GALNT3: variants seen among roughly 807,000 people sequenced by gnomAD.
GALNT3 encodes GalNAc transferase 3.
GALNT3 carries 51 observed loss-of-function variants against 69.8 expected under a neutral mutation model. The ratio of observed to expected loss-of-function variants is 0.73; its 90% CI spans 0.58 to 0.92. The LOEUF (loss-of-function observed/expected upper bound fraction) is 0.92. Ranked by LOEUF, GALNT3 falls within the 40% of genes least tolerant of loss-of-function variation. GALNT3 has a pLI of 0.00. For synonymous variants in GALNT3, 265 were observed against 248.5 expected, an observed-to-expected ratio of 1.07 and a Z score of -0.63; for missense variants, 711 against 760.0, an observed-to-expected ratio of 0.94 and a Z score of 0.76.
chr2:165,749,184 A>G (rs1475544664), intron 10 of GALNT3, among the ~76,000 whole-genome samples: 1 of 152,100 alleles, frequency 6.6e-6, no homozygotes. Flanking sequence ...ATAAGTGACA[A>G]ACTCTTAAAA....
In GALNT3 at chr2:165,747,846, T is replaced by TA. The variant is rs144647329; in HGVS notation, c.*934dup. 3.3e-3 allele frequency: 570 copies of TA among 170,736 alleles called. 5 individuals carry two copies. Among genetic ancestry groups the TA allele is most frequent in the Middle Eastern group, 0.018 (7 of 396 alleles). 10.6% of individuals were successfully genotyped at this position (170,736 alleles called of 1,614,324 possible). ...TTTTTTATTGTGTTTTCCACATAGA[T>TA]AAAAAAATAAGGCTTTTTGATGAAA... On this transcript the variant is annotated 3_prime_UTR_variant, in exon 11 of 11. Coordinates refer to ENST00000392701, the MANE Select transcript of GALNT3 (RefSeq NM_004482.4).
At chr2:165,787,214 T>C (rs1683242638) in intron 1 of GALNT3, among the ~76,000 whole-genome samples, 1 of 152,220 alleles carries the variant, frequency 6.6e-6, no homozygotes, top group Non-Finnish European at 1.5e-5. Context: ...CAAACTGGAA[T>C]TTGAAGACTG....
At chr2:165,778,000 C>A (rs953084597) in intron 1 of GALNT3, among the ~76,000 whole-genome samples, 3 of 152,202 alleles carry the variant, frequency 2.0e-5, no homozygotes, top group Admixed American at 6.5e-5. Context: ...AACTTCTCAG[C>A]TACCCCTGGT....
chr2:165,747,599 A>C lies in GALNT3; in HGVS notation c.*1182T>G, dbSNP rs1299401658. On this transcript the variant is annotated 3_prime_UTR_variant, in exon 11 of 11. Transcript: ENST00000392701. Reference sequence around the variant, plus strand: ...AAAACATCATTCTATCAGATGCTTAAGGAACTTTATCAGAAATTAATACAA... The same window carrying C: ...AAAACATCATTCTATCAGATGCTTACGGAACTTTATCAGAAATTAATACAA... 4 of 152,312 alleles carry C rather than the reference A, an allele frequency of 2.6e-5. No individual in the cohort carries two copies. Among genetic ancestry groups the C allele is most frequent in the Non-Finnish European group, 5.9e-5 (4 of 68,130 alleles). The allele number at this position is 152,312 out of a possible 1,614,324, so 9.4% of individuals were successfully genotyped here.
intron 1 of GALNT3, among the ~76,000 whole-genome samples, chr2:165,780,428 C>T (rs990593178): frequency 5.9e-5 from 9 of 152,152 alleles, no homozygotes; most frequent in South Asian, 4.1e-4. Flanking sequence ...AACTACCCAT[C>T]GATGACCAAT....
intron 1 of GALNT3, among the ~76,000 whole-genome samples, chr2:165,787,306 G>C (rs1328526135): frequency 6.6e-6 from 1 of 152,218 alleles, no homozygotes; most frequent in Admixed American, 6.5e-5. Flanking sequence ...GAGGCAGAAG[G>C]AACAGAGCAA....
chr2:165,752,289 G>A (rs756692834), intron 9 of GALNT3, among the ~76,000 whole-genome samples: 11 of 152,024 alleles, frequency 7.2e-5, no homozygotes, highest in East Asian at 1.9e-4. Flanking sequence ...CTCTAAGATC[G>A]CTTTTCCAAA....
intron 1 of GALNT3, among the ~76,000 whole-genome samples, chr2:165,789,685 A>G (rs917552723): frequency 1.4e-5 from 2 of 139,178 alleles, no homozygotes; most frequent in Non-Finnish European, 3.1e-5. Context: ...CCTGGGCAAC[A>G]TAGTGAGACC....
intron 2 of GALNT3, among the ~76,000 whole-genome samples, chr2:165,767,071 A>G (rs1688656071): frequency 1.3e-5 from 2 of 152,184 alleles, no homozygotes; most frequent in African/African-American, 4.8e-5. Flanking sequence ...TATTTATTCT[A>G]AATTGAATTT....
intron 2 of GALNT3, among the ~76,000 whole-genome samples, chr2:165,765,920 T>C (rs1574004594): frequency 1.3e-5 from 2 of 152,240 alleles, no homozygotes; most frequent in Admixed American, 1.3e-4. Flanking sequence ...AGGGAAAAAA[T>C]AGCTTTATTG....
At chr2:165,775,250 G>A (rs185773878) in intron 1 of GALNT3, among the ~76,000 whole-genome samples, 5 of 151,374 alleles carry the variant, frequency 3.3e-5, no homozygotes, top group African/African-American at 7.3e-5. Flanking sequence ...AATAAAAGGC[G>A]ATAAGAAAAA....
chr2:165,764,056 C>T (rs1475144744), intron 3 of GALNT3, among the ~76,000 whole-genome samples: 1 of 152,114 alleles, frequency 6.6e-6, no homozygotes, highest in African/African-American at 2.4e-5. Context: ...TAATATGTAT[C>T]TGTTTGACAC....
At position 165,780,920 on chromosome 2, in the gene GALNT3, T is replaced by C. The variant is rs114936971; in HGVS notation, c.-108-10112A>G. ...AGGTCAGATTTTACCCAGATAATGA[T>C]GGGAAACTTGGTCCACATGATAACC... On this transcript the variant is annotated intron_variant, in intron 1 of 10. Coordinates refer to ENST00000392701, the MANE Select transcript of GALNT3 (RefSeq NM_004482.4). Among the ~76,000 whole-genome samples the C allele has an allele frequency of 6.2e-3, 950 of 152,294 alleles. 9 individuals are homozygous for C. Among genetic ancestry groups the C allele is most frequent in the African/African-American group, 0.022 (894 of 41,560 alleles).
intron 9 of GALNT3, among the ~76,000 whole-genome samples, chr2:165,752,006 T>C (rs1372304006): frequency 2.0e-5 from 3 of 152,182 alleles, no homozygotes; most frequent in African/African-American, 7.2e-5. Context: ...CACCAGATAA[T>C]ATTTATTCTT....
chr2:165,748,987 G>T, intron 10 of GALNT3, 84 bp from the exon 11 acceptor site: 1 of 1,370,924 alleles, frequency 7.3e-7, no homozygotes, highest in Non-Finnish European at 1.0e-6. Flanking sequence ...TGGTTTCATT[G>T]AAGCAAACCT....
intron 1 of GALNT3, among the ~76,000 whole-genome samples, chr2:165,785,115 G>A (rs1041992348): frequency 1.3e-5 from 2 of 152,140 alleles, no homozygotes; most frequent in East Asian, 3.9e-4. Flanking sequence ...CCATAGATAC[G>A]CTAATGCACT....
rs1039417559 is a variant in GALNT3 at position 165,752,659 on chromosome 2, A to G, written c.1626+1968T>C. 2.0e-5 allele frequency among the ~76,000 whole-genome samples: 3 copies of G among 152,196 alleles called. No homozygotes were observed. The East Asian group carries it at 5.8e-4, about 29-fold the overall frequency. On this transcript the variant is annotated intron_variant, in intron 9 of 10. Coordinates refer to ENST00000392701, the MANE Select transcript of GALNT3 (RefSeq NM_004482.4). ...AAAAATGGAAAAAAGCAATGTGTAC[A>G]ATATATCTTCAGCTTTTAAGATAAA...
At chr2:165,757,978 A>T (rs1271472517) in intron 6 of GALNT3, among the ~76,000 whole-genome samples, 3 of 152,308 alleles carry the variant, frequency 2.0e-5, no homozygotes, top group Admixed American at 1.3e-4. Flanking sequence ...GTGATTACAA[A>T]TCTCTTTCTC....
At chr2:165,775,302 C>T (rs1272171825) in intron 1 of GALNT3, among the ~76,000 whole-genome samples, 1 of 152,118 alleles carries the variant, frequency 6.6e-6, no homozygotes, top group Non-Finnish European at 1.5e-5. Flanking sequence ...AGCTTCCTAT[C>T]ATTGGGTAAT....
Sources: gnomAD v4.1 joint callset for allele counts (sites outside exome capture counted in the v4.1 genomes callset) on GRCh38, gnomAD v4.1.1 for gene constraint, MANE v1.5 for transcripts, NCBI Gene and HGNC (gene_info 2026-07-23, HGNC 2026-07-21) for gene names.